Variants in DDX10 observed in about 807,000 individuals in gnomAD.
DDX10 encodes the protein DEAD-box helicase 10, also known as probable ATP-dependent RNA helicase DDX10.
DDX10 carries 74 observed loss-of-function variants against 104.3 expected under a neutral mutation model. The ratio of observed to expected loss-of-function variants is 0.71; its 90% CI spans 0.59 to 0.86. The LOEUF (loss-of-function observed/expected upper bound fraction) is 0.86. DDX10 is among the 40% of genes least tolerant of loss of function. The probability of loss-of-function intolerance (pLI) is 0.00; values close to 1 mark genes in which losing one functional copy is unlikely to be tolerated. For synonymous variants in DDX10, 351 were observed against 353.4 expected (o/e 0.99, Z 0.08); for missense variants, 952 against 1,040.0 (o/e 0.92, Z 1.16).
At chr11:108,734,561 T>C (rs2094316169) in intron 13 of DDX10, among the ~76,000 whole-genome samples, 1 of 152,216 alleles carries the variant, frequency 6.6e-6, no homozygotes, top group South Asian at 2.1e-4. Flanking sequence ...TTTGGCATGA[T>C]GTTTATTCTG....
intron 13 of DDX10, among the ~76,000 whole-genome samples, chr11:108,771,171 A>AAT (rs2094362659): frequency 6.8e-6 from 1 of 147,972 alleles, no homozygotes; most frequent in African/African-American, 2.5e-5. Context: ...TATCTATTCA[A>AAT]CTCTTTTGCT....
chr11:108,742,520 G>A (rs757992785), intron 13 of DDX10, among the ~76,000 whole-genome samples: 10 of 152,044 alleles, frequency 6.6e-5, no homozygotes, highest in Non-Finnish European at 8.8e-5. Flanking sequence ...AGCTAAGATC[G>A]CGCCATTGCA....
intron 16 of DDX10, among the ~76,000 whole-genome samples, chr11:108,896,573 A>C (rs1303317283): frequency 6.6e-6 from 1 of 152,202 alleles, no homozygotes; most frequent in East Asian, 1.9e-4. Flanking sequence ...ATTATAAAAC[A>C]ATCTAGAGTT....
intron 9 of DDX10, among the ~76,000 whole-genome samples, chr11:108,696,907 A>G (rs1263164093): frequency 6.6e-6 from 1 of 152,126 alleles, no homozygotes; most frequent in African/African-American, 2.4e-5. Flanking sequence ...AATCAGGAAA[A>G]GATTCTAGAG....
chr11:108,719,987 C>A, intron 12 of DDX10, 102 bp downstream of exon 12: 1 of 762,298 alleles, frequency 1.3e-6, no homozygotes, highest in South Asian at 1.5e-5. Flanking sequence ...CAGGCTGTCT[C>A]AAACCCCTGT....
intron 13 of DDX10, among the ~76,000 whole-genome samples, chr11:108,793,147 T>A (rs1861893638): frequency 6.6e-6 from 1 of 152,194 alleles, no homozygotes; most frequent in African/African-American, 2.4e-5. Context: ...GACCTCTAAT[T>A]ACTCTCTCTG....
chr11:108,816,665 G>C (rs1446874897), intron 13 of DDX10, among the ~76,000 whole-genome samples: 5 of 150,592 alleles, frequency 3.3e-5, no homozygotes, highest in Admixed American at 6.7e-5. Context: ...TGATTTTCCT[G>C]CCTCAGCCTC....
At chr11:108,828,597 ACT>A (rs1207203967) in intron 13 of DDX10, among the ~76,000 whole-genome samples, 1 of 151,144 alleles carries the variant, frequency 6.6e-6, no homozygotes, top group Non-Finnish European at 1.5e-5. Context: ...CAGATCTGAA[ACT>A]CTATACCTGT....
chr11:108,700,240 A>T (rs2059375315), intron 9 of DDX10, among the ~76,000 whole-genome samples: 1 of 152,124 alleles, frequency 6.6e-6, no homozygotes, highest in African/African-American at 2.4e-5. Context: ...TGCTTCCCAA[A>T]CTCAATAAAT....
intron 8 of DDX10, among the ~76,000 whole-genome samples, chr11:108,693,287 C>T (rs2094255231): frequency 2.0e-5 from 3 of 152,162 alleles, no homozygotes; most frequent in Admixed American, 6.5e-5. Context: ...GTGTCAGATA[C>T]GAAGTAATCT....
At chr11:108,673,616 A>G (rs1259124489) in intron 2 of DDX10, 89 bp downstream of exon 2, 38 of 1,031,716 alleles carry the variant, frequency 3.7e-5, no homozygotes, top group Non-Finnish European at 5.5e-5. Flanking sequence ...AGCCTGAAAA[A>G]TCTTATTTTG....
chr11:108,759,370 A>G (rs2094348039), intron 13 of DDX10, among the ~76,000 whole-genome samples: 1 of 151,996 alleles, frequency 6.6e-6, no homozygotes, highest in African/African-American at 2.4e-5. Flanking sequence ...TTAGTTGGCC[A>G]TGTGGGTACT....
chr11:108,752,041 AT>A (rs2094339363), intron 13 of DDX10, among the ~76,000 whole-genome samples: 1 of 152,144 alleles, frequency 6.6e-6, no homozygotes, highest in Non-Finnish European at 1.5e-5. Context: ...AGTGTTATTC[AT>A]TTTTGGTTCT....
At chr11:108,685,938 C>T (rs1468940818) in intron 6 of DDX10, among the ~76,000 whole-genome samples, 3 of 152,158 alleles carry the variant, frequency 2.0e-5, no homozygotes, top group Non-Finnish European at 4.4e-5. Flanking sequence ...GAATCAAATT[C>T]CTTCAAAGGC....
Position 108,675,641 on chromosome 11 carries a change from A to C in DDX10, c.293A>C (p.Gln98Pro), listed in dbSNP as rs1404056178. Residue 98 changes from glutamine to proline, a missense_variant, in exon 3 of 18, where the codon CAG becomes CCG. Transcript: ENST00000322536. ...CGTTTGGTGACTGAGATACAGAAGC[A>C]GACCATTGGATTGGCTTTGCAAGGT... ...QYRLVTEIQKQTIGLALQGKD... is the reference protein window; with the variant it reads ...QYRLVTEIQKPTIGLALQGKD... 6.2e-7 allele frequency: 1 copy of C among 1,614,082 alleles called. No individual in the cohort carries two copies. Among genetic ancestry groups the C allele is most frequent in the African/African-American group, 1.3e-5 (1 of 74,928 alleles).
In DDX10 at chr11:108,675,860, A is replaced by G. The variant is rs115858177; in HGVS notation, c.378+134A>G. 7.7e-5 allele frequency: 87 copies of G among 1,128,694 alleles called. No homozygotes were observed. The African/African-American group carries it at 1.2e-3, about 16-fold the overall frequency. 69.9% of individuals were successfully genotyped at this position (1,128,694 alleles called of 1,614,324 possible). A position where few individuals can be genotyped will look rare whatever the true frequency, so the allele number is the denominator to read the frequency against. ...ATTGGCTAGAATGCGAGCTTCATCAAACAGGAGCCACATGTGTGTCTTGTT... is the reference window on the plus strand; with the variant it reads ...ATTGGCTAGAATGCGAGCTTCATCAGACAGGAGCCACATGTGTGTCTTGTT... On this transcript the variant is annotated intron_variant, in intron 3 of 17. Coordinates refer to ENST00000322536, the MANE Select transcript of DDX10 (RefSeq NM_004398.4).
intron 13 of DDX10, among the ~76,000 whole-genome samples, chr11:108,780,406 G>T (rs1436819504): frequency 1.3e-5 from 2 of 152,158 alleles, no homozygotes; most frequent in Non-Finnish European, 2.9e-5. Flanking sequence ...ATGACTTTAA[G>T]AGGGGTGGTT....
chr11:108,913,356 T>A (rs1196063648), intron 16 of DDX10, among the ~76,000 whole-genome samples: 1 of 152,128 alleles, frequency 6.6e-6, no homozygotes, highest in Non-Finnish European at 1.5e-5. Context: ...CTGATTAGCC[T>A]CTTACTAAAT....
At chr11:108,893,586 T>C (rs1426907283) in intron 16 of DDX10, among the ~76,000 whole-genome samples, 1 of 151,630 alleles carries the variant, frequency 6.6e-6, no homozygotes, top group Non-Finnish European at 1.5e-5. Context: ...TCCTTATTTT[T>C]TTGGAGGGAA....
Sources: gnomAD v4.1 joint callset for allele counts (sites outside exome capture counted in the v4.1 genomes callset) on GRCh38, gnomAD v4.1.1 for gene constraint, MANE v1.5 for transcripts, NCBI Gene and HGNC (gene_info 2026-07-23, HGNC 2026-07-21) for gene names.